The following OPHN1 variants were observed in gnomAD, a reference collection of about 807,000 sequenced individuals.
OPHN1 encodes the protein oligophrenin 1, also known as oligophrenin-1.
Under a neutral mutation model 60.7 loss-of-function variants are expected in OPHN1, and 11 were observed. That is an observed-to-expected ratio of 0.18 (90% CI 0.11 to 0.30). The LOEUF (loss-of-function observed/expected upper bound fraction) is 0.30. Ranked by LOEUF, OPHN1 falls within the 10% of genes least tolerant of loss-of-function variation. The probability of loss-of-function intolerance (pLI) is 1.00; values close to 1 mark genes in which losing one functional copy is unlikely to be tolerated. For missense variants in OPHN1, 449 were observed against 611.0 expected (o/e 0.73, Z 2.80); for synonymous variants, 226 against 222.6 (o/e 1.02, Z -0.14).
chrX:68,242,052 T>C (rs749043224), intron 5 of OPHN1, among the ~76,000 whole-genome samples: 2 of 110,700 alleles, frequency 1.8e-5, no homozygotes, highest in East Asian at 5.7e-4. Flanking sequence ...TTATTGGAAA[T>C]GCAAATCAAA....
intron 2 of OPHN1, among the ~76,000 whole-genome samples, chrX:68,301,445 CAAAAAAAAAAAAA>C (rs56927719): frequency 2.0e-4 from 7 of 35,370 alleles, no homozygotes; most frequent in African/African-American, 6.3e-4. Flanking sequence ...GACTCCATCT[CAAAAAAAAAAAAA>C]AAAAAAAAAG....
intron 5 of OPHN1, 32 bp downstream of exon 5, chrX:68,274,706 T>A (rs747385631): frequency 9.7e-7 from 1 of 1,034,835 alleles, no homozygotes; most frequent in Non-Finnish European, 1.4e-6. Context: ...ATTGCTATTT[T>A]AAAAAATCTT....
At chrX:68,356,247 G>A (rs889906813) in intron 2 of OPHN1, among the ~76,000 whole-genome samples, 10 of 110,094 alleles carry the variant, frequency 9.1e-5, no homozygotes, top group African/African-American at 3.3e-4. Flanking sequence ...TCAGTTGAAG[G>A]CTTAAATAGA....
chrX:68,181,017 C>A (rs1190906213), intron 15 of OPHN1, among the ~76,000 whole-genome samples: 4 of 111,114 alleles, frequency 3.6e-5, no homozygotes, highest in African/African-American at 1.3e-4. Context: ...TTTGTCCAAT[C>A]TCAATCATTC....
intron 2 of OPHN1, among the ~76,000 whole-genome samples, chrX:68,391,877 T>C (rs1036650511): frequency 9.0e-6 from 1 of 110,865 alleles, no homozygotes; most frequent in Non-Finnish European, 1.9e-5. Flanking sequence ...AGGAAACAGG[T>C]TCTCCCCCCA....
At chrX:68,105,474 G>C (rs2077077404) in intron 18 of OPHN1, among the ~76,000 whole-genome samples, 1 of 110,758 alleles carries the variant, frequency 9.0e-6, no homozygotes, top group Non-Finnish European at 1.9e-5. Context: ...ATACTACGCA[G>C]CCATAAAAAA....
chrX:68,123,092 A>G (rs1359832699), intron 15 of OPHN1, among the ~76,000 whole-genome samples: 2 of 111,653 alleles, frequency 1.8e-5, no homozygotes, highest in Non-Finnish European at 3.8e-5. Flanking sequence ...AGGGGAAAAG[A>G]GACAAGTAAC....
At chrX:68,151,825 A>T (rs2077286270) in intron 15 of OPHN1, among the ~76,000 whole-genome samples, 1 of 111,560 alleles carries the variant, frequency 9.0e-6, no homozygotes, top group Admixed American at 9.5e-5. Context: ...ACTACCTCAG[A>T]CTAGGTAATT....
chrX:68,370,011 AATATATATATATATATAT>A lies in OPHN1; in HGVS notation c.154+62838_154+62855del, dbSNP rs761607454. Reference sequence around the variant, plus strand: ...ACAGTGGGATGGCATAAATTGCTGAAATATATATATATATATATATATATATATATATAGAACCTGTCA... The same window carrying A: ...ACAGTGGGATGGCATAAATTGCTGAAATATATATATATATAGAACCTGTCA... On this transcript the variant is annotated intron_variant, in intron 2 of 24. Coordinates refer to ENST00000355520, the MANE Select transcript of OPHN1 (RefSeq NM_002547.3). 1.9e-4 allele frequency among the ~76,000 whole-genome samples: 12 copies of A among 64,356 alleles called. 1 individual carries two copies. The highest frequency in any genetic ancestry group is 9.4e-4 in the East Asian group (2 of 2,128). The allele number at this position is 64,356 out of a possible 115,157, so 55.9% of individuals were successfully genotyped here.
At chrX:68,367,196 C>CA (rs965011359) in intron 2 of OPHN1, among the ~76,000 whole-genome samples, 2 of 108,620 alleles carry the variant, frequency 1.8e-5, no homozygotes, top group African/African-American at 6.7e-5. Context: ...ACTAAAAATA[C>CA]AAAAAAAATT....
At chrX:68,404,421 G>C (rs969987520) in intron 2 of OPHN1, among the ~76,000 whole-genome samples, 5 of 111,327 alleles carry the variant, frequency 4.5e-5, no homozygotes, top group African/African-American at 1.6e-4. Flanking sequence ...GCCTCCCAAA[G>C]TGCTGGGATT....
chrX:68,336,185 T>A (rs1430277424), intron 2 of OPHN1, among the ~76,000 whole-genome samples: 1 of 109,918 alleles, frequency 9.1e-6, no homozygotes, highest in South Asian at 4.0e-4. Flanking sequence ...AATTAATTAA[T>A]TTTTTTAAAC....
chrX:68,322,712 G>A (rs982275837), intron 2 of OPHN1, among the ~76,000 whole-genome samples: 6 of 111,328 alleles, frequency 5.4e-5, no homozygotes, highest in African/African-American at 1.3e-4. Context: ...GCTTGAATCC[G>A]GGAGACGGAG....
intron 15 of OPHN1, among the ~76,000 whole-genome samples, chrX:68,156,501 T>C (rs1054844212): frequency 9.9e-5 from 11 of 111,456 alleles, no homozygotes; most frequent in African/African-American, 2.9e-4. Flanking sequence ...ATTTTCATCA[T>C]GCAGAAAGAA....
intron 15 of OPHN1, among the ~76,000 whole-genome samples, chrX:68,180,970 C>T (rs2147436709): frequency 9.0e-6 from 1 of 111,328 alleles, no homozygotes; most frequent in African/African-American, 3.3e-5. Flanking sequence ...ATATCACAAA[C>T]TTTGATATAA....
At chrX:68,253,775 T>G (rs765492531) in intron 5 of OPHN1, among the ~76,000 whole-genome samples, 3 of 112,059 alleles carry the variant, frequency 2.7e-5, no homozygotes, top group Non-Finnish European at 5.6e-5. Flanking sequence ...TGACTTCTGA[T>G]TAACCTCTGT....
intron 2 of OPHN1, among the ~76,000 whole-genome samples, chrX:68,385,908 G>T (rs2078622176): frequency 8.9e-6 from 1 of 112,183 alleles, no homozygotes; most frequent in Non-Finnish European, 1.9e-5. Flanking sequence ...TGTTCGCTCT[G>T]CTGGTTGCAT....
In OPHN1 at chrX:68,073,304, G is replaced by A. The variant is rs909264924; in HGVS notation, c.1687-5C>T. On this transcript the variant is annotated splice_region_variant and splice_polypyrimidine_tract_variant and intron_variant, in intron 19 of 24. Transcript: ENST00000355520. ...CTCAGGTGGACCTAAATAGATCTGT[G>A]GAGAAAGAAGGAAGATATCTAGAGA... The A allele has an allele frequency of 3.4e-6, 4 of 1,190,599 alleles. No individual in the cohort carries two copies. Among genetic ancestry groups the A allele is most frequent in the Non-Finnish European group, 4.5e-6 (4 of 883,820 alleles).
At chrX:68,290,979 C>T (rs144191617) in intron 3 of OPHN1, among the ~76,000 whole-genome samples, 1,381 of 111,078 alleles carry the variant, frequency 0.012, 19 homozygotes, top group African/African-American at 0.043. Context: ...TATAATAAAG[C>T]ATGTTTATAT....
Sources: gnomAD v4.1 joint callset for allele counts (sites outside exome capture counted in the v4.1 genomes callset) on GRCh38, gnomAD v4.1.1 for gene constraint, MANE v1.5 for transcripts, NCBI Gene and HGNC (gene_info 2026-07-23, HGNC 2026-07-21) for gene names.